Variants in CHD1L observed in about 807,000 individuals in gnomAD.
CHD1L encodes ATP-dependent chromatin remodeler CHD1L.
CHD1L carries 118 observed loss-of-function variants against 115.9 expected under a neutral mutation model. The observed-to-expected ratio is 1.02, with a 90% CI of 0.88 to 1.19. The LOEUF (loss-of-function observed/expected upper bound fraction) is 1.19, where lower values mean the gene tolerates loss of function less well. Ranked by LOEUF, CHD1L falls within the 50% of genes most tolerant of loss-of-function variation. The pLI is 0.00. For missense variants in CHD1L, 1,179 were observed against 1,065.3 expected (o/e 1.11, Z -1.49); for synonymous variants, 411 against 387.1 (o/e 1.06, Z -0.72).
rs587730134 is a variant in CHD1L at position 147,253,870 on chromosome 1, C to T, written c.241-1000C>T. ...ACAGTGTCACTGTAATTTTTTACTT[C>T]GTTATATTCTTCACAGTCATTATCA... On this transcript the variant is annotated intron_variant, in intron 2 of 22. Coordinates refer to ENST00000369258, the MANE Select transcript of CHD1L (RefSeq NM_004284.6). Among the ~76,000 whole-genome samples, 30 of 152,286 alleles carry T rather than the reference C, an allele frequency of 2.0e-4. No homozygotes were observed. The South Asian group carries it at 3.1e-3, about 16-fold the overall frequency.
At chr1:147,187,240 A>G in the CHD1L span, 1 of 1,593,636 alleles carries the variant, frequency 6.3e-7, no homozygotes, top group Admixed American at 1.8e-5. Context: ...TTGGCTCTCC[A>G]CATACCTAAA....
chr1:147,242,637 C>A (rs142998286), upstream of CHD1L: 2,032 of 1,245,556 alleles, frequency 1.6e-3, 1 homozygote, highest in Non-Finnish European at 1.9e-3. Flanking sequence ...TCGCGCGCCC[C>A]CGCGCGTTGG....
At chr1:147,184,651 G>A in the CHD1L span, 1 of 1,510,944 alleles carries the variant, frequency 6.6e-7, no homozygotes, top group Non-Finnish European at 8.9e-7. This position sits in a 1 kb window ranked among gnomAD's most constrained non-coding sequence, Gnocchi z 4.4. Context: ...GTTTTTGAGA[G>A]GAATACAACA....
chr1:147,224,514 T>A, the CHD1L span, among the ~76,000 whole-genome samples: 1,055 of 152,214 alleles, frequency 6.9e-3, 4 homozygotes, highest in Admixed American at 0.01. Context: ...TATCTTTTTT[T>A]AATTTTTTTC....
chr1:147,289,746 G>A (rs1684771700), intron 19 of CHD1L, among the ~76,000 whole-genome samples: 1 of 152,172 alleles, frequency 6.6e-6, no homozygotes, highest in Admixed American at 6.5e-5. Context: ...CTTGTCTGTG[G>A]GTATTGAAGG....
At chr1:147,243,079 GC>G in intron 1 of CHD1L, 1 of 341,358 alleles carries the variant, frequency 2.9e-6, no homozygotes, top group Non-Finnish European at 5.2e-6. Flanking sequence ...GCCAGGCCTG[GC>G]CCCTGGCCTG....
the CHD1L span, among the ~76,000 whole-genome samples, chr1:147,195,190 G>A: frequency 1.3e-5 from 2 of 152,040 alleles, no homozygotes; most frequent in South Asian, 4.1e-4. Flanking sequence ...CATATTCCTT[G>A]GATGCTTTGT....
chr1:147,183,207 G>C, the CHD1L span, among the ~76,000 whole-genome samples: 1 of 151,986 alleles, frequency 6.6e-6, no homozygotes, highest in Admixed American at 6.6e-5. Context: ...CAAAAAAAAA[G>C]ATAACATACT....
At chr1:147,292,148 C>G (rs1685776653) in intron 20 of CHD1L, among the ~76,000 whole-genome samples, 1 of 152,188 alleles carries the variant, frequency 6.6e-6, no homozygotes, top group African/African-American at 2.4e-5. Context: ...TTTTTATCCT[C>G]AGTACCCTAC....
At chr1:147,263,810 A>T (rs1034614039) in intron 6 of CHD1L, among the ~76,000 whole-genome samples, 3 of 151,808 alleles carry the variant, frequency 2.0e-5, no homozygotes, top group Non-Finnish European at 4.4e-5. Context: ...AGAAATCTTG[A>T]CATCTTGCAT....
intron 13 of CHD1L, 93 bp downstream of exon 13, chr1:147,275,561 C>T (rs1474170584): frequency 2.0e-6 from 2 of 983,942 alleles, no homozygotes; most frequent in Non-Finnish European, 3.1e-6. Flanking sequence ...CAGTCCCACA[C>T]TGGGAGCTGA....
chr1:147,261,139 G>T (rs1364407166), intron 6 of CHD1L, among the ~76,000 whole-genome samples: 1 of 152,214 alleles, frequency 6.6e-6, no homozygotes, highest in Non-Finnish European at 1.5e-5. Flanking sequence ...CCCTGGTGGG[G>T]CCCCCTCTAT....
the CHD1L span, among the ~76,000 whole-genome samples, chr1:147,235,849 T>C: frequency 6.6e-6 from 1 of 152,282 alleles, no homozygotes; most frequent in East Asian, 1.9e-4. Context: ...GTCACGGGAT[T>C]CTTGGGGTGT....
At chr1:147,226,922 T>C in the CHD1L span, among the ~76,000 whole-genome samples, 2 of 152,030 alleles carry the variant, frequency 1.3e-5, no homozygotes, top group Admixed American at 1.3e-4. Flanking sequence ...AGCCTCTATC[T>C]CCTGGGCTCA....
At chr1:147,212,464 T>C in the CHD1L span, 1 of 1,613,924 alleles carries the variant, frequency 6.2e-7, no homozygotes, top group Non-Finnish European at 8.5e-7. Flanking sequence ...ATAATGACTC[T>C]CTTTCCAGTG....
chr1:147,175,587 C>T, the CHD1L span: 2 of 152,018 alleles, frequency 1.3e-5, no homozygotes, highest in Non-Finnish European at 2.9e-5. Context: ...CTGTCTCTCC[C>T]CTGTGCCACA....
At chr1:147,212,492 A>C in the CHD1L span, 125 of 1,613,798 alleles carry the variant, frequency 7.7e-5, 1 homozygote, top group Admixed American at 4.0e-4. Flanking sequence ...CTGGGTTCTT[A>C]TAGTCTCGAC....
the CHD1L span, among the ~76,000 whole-genome samples, chr1:147,236,240 G>A: frequency 9.9e-5 from 15 of 152,216 alleles, no homozygotes; most frequent in Admixed American, 2.0e-4. Context: ...CCCAAAGAGG[G>A]TGTCACAGCC....
chr1:147,260,259 T>A (rs949048290), intron 6 of CHD1L: 1 of 188,346 alleles, frequency 5.3e-6, no homozygotes, highest in African/African-American at 2.3e-5. Flanking sequence ...TCTACTGTTA[T>A]AGTATCATAC....
Sources: allele counts gnomAD v4.1 joint callset (sites outside exome capture counted in the v4.1 genomes callset), GRCh38; gene constraint gnomAD v4.1.1; non-coding constraint Gnocchi (gnomAD v3.1); transcripts MANE v1.5; gene names NCBI Gene and HGNC (gene_info 2026-07-23, HGNC 2026-07-21).